AGPAT5: variants seen among roughly 807,000 people sequenced by gnomAD.
AGPAT5 encodes the protein 1-acylglycerol-3-phosphate O-acyltransferase 5.
AGPAT5 carries 46 observed loss-of-function variants against 45.6 expected under a neutral mutation model. That is an observed-to-expected ratio of 1.01 (90% CI 0.80 to 1.29). The LOEUF is 1.29. AGPAT5 is among the 50% of genes most tolerant of loss of function. The pLI, the probability that AGPAT5 is intolerant of heterozygous loss-of-function variation, is 0.00. For missense variants in AGPAT5, 673 were observed against 450.7 expected, an observed-to-expected ratio of 1.49 and a Z score of -4.47; for synonymous variants, 272 against 167.0, an observed-to-expected ratio of 1.63 and a Z score of -4.85.
rs1801874008 is a variant in AGPAT5 at position 6,757,198 on chromosome 8, A to G, written c.905A>G (p.Glu302Gly). The change falls in exon 8 of 8, where the codon GAA becomes GGA. Residue 302 changes from glutamate (E) to glycine (G), a missense_variant. Transcript: ENST00000285518. ...GAATTTTATGAGTCACCAGATCCAG[A>G]AAGAAGAAAAAGATTTCCTGGGAAA... The part of the protein sequence containing the change: ...LIEFYESPDP[E>G]RRKRFPGKSV... The G allele has an allele frequency of 6.2e-7, 1 of 1,613,968 alleles. No homozygotes were observed. Among genetic ancestry groups the G allele is most frequent in the Non-Finnish European group, 8.5e-7 (1 of 1,180,024 alleles).
chr8:6,709,843 G>A (rs1240234820), intron 1 of AGPAT5, among the ~76,000 whole-genome samples: 2 of 152,158 alleles, frequency 1.3e-5, no homozygotes, highest in Admixed American at 1.3e-4. Flanking sequence ...TGGGGGGAAG[G>A]AACTAGGAGA....
intron 3 of AGPAT5, among the ~76,000 whole-genome samples, chr8:6,731,161 C>T (rs1041107182): frequency 2.0e-5 from 3 of 152,112 alleles, no homozygotes; most frequent in Non-Finnish European, 2.9e-5. Context: ...ATACCCAACC[C>T]TATAAAAATG....
intron 4 of AGPAT5, among the ~76,000 whole-genome samples, 185 bp from the exon 5 acceptor site, chr8:6,741,476 T>A (rs749355318): frequency 2.4e-4 from 36 of 152,174 alleles, no homozygotes; most frequent in Admixed American, 4.6e-4. Flanking sequence ...GTTCACGTTA[T>A]GTTCATATTT....
chr8:6,724,022 T>C (rs557043213), intron 1 of AGPAT5, among the ~76,000 whole-genome samples: 3 of 152,194 alleles, frequency 2.0e-5, no homozygotes, highest in Non-Finnish European at 4.4e-5. Flanking sequence ...TCCTTTTAAG[T>C]CTTTACAAGT....
chr8:6,746,742 C>G (rs1021864431), intron 5 of AGPAT5, among the ~76,000 whole-genome samples: 9 of 152,176 alleles, frequency 5.9e-5, no homozygotes, highest in African/African-American at 2.2e-4. Flanking sequence ...AGCTGTTCTT[C>G]CTTACTCAGC....
chr8:6,760,826 A>G lies in AGPAT5; in HGVS notation c.*3438A>G, dbSNP rs1160557275. ...GTAACATGCAATCATTAGAATCAAA[A>G]TTAGTACTTTGGTCAAAATATTTAC... On this transcript the variant is annotated 3_prime_UTR_variant, in exon 8 of 8. Coordinates refer to ENST00000285518, the MANE Select transcript of AGPAT5 (RefSeq NM_018361.5). Among the ~76,000 whole-genome samples the G allele has an allele frequency of 2.0e-5, 3 of 152,230 alleles. No homozygotes were observed. The highest frequency in any genetic ancestry group is 4.4e-5 in the Non-Finnish European group (3 of 68,036).
At chr8:6,712,608 A>C (rs1800190614) in intron 1 of AGPAT5, among the ~76,000 whole-genome samples, 1 of 152,196 alleles carries the variant, frequency 6.6e-6, no homozygotes, top group African/African-American at 2.4e-5. Flanking sequence ...ATGGGAAATT[A>C]AAAGGAAAGT....
chr8:6,742,491 A>G (rs1247824453), intron 5 of AGPAT5, among the ~76,000 whole-genome samples: 1 of 152,142 alleles, frequency 6.6e-6, no homozygotes, highest in Non-Finnish European at 1.5e-5. Context: ...CCATATGTTG[A>G]TAGTCACTCA....
At chr8:6,717,444 A>G (rs1800368012) in intron 1 of AGPAT5, among the ~76,000 whole-genome samples, 1 of 152,242 alleles carries the variant, frequency 6.6e-6, no homozygotes, top group Non-Finnish European at 1.5e-5. Context: ...CTAACCACCT[A>G]CTGTTAAAAG....
chr8:6,722,716 G>C (rs1587010685), intron 1 of AGPAT5, among the ~76,000 whole-genome samples: 1 of 152,216 alleles, frequency 6.6e-6, no homozygotes, highest in East Asian at 1.9e-4. Context: ...GTGTGTGCAA[G>C]ATAAATAAGT....
intron 4 of AGPAT5, among the ~76,000 whole-genome samples, chr8:6,739,777 T>C (rs1264433086): frequency 6.6e-6 from 1 of 152,104 alleles, no homozygotes; most frequent in East Asian, 1.9e-4. Flanking sequence ...TGGCTAGACC[T>C]CCTAGTACAG....
chr8:6,742,822 G>A (rs1801283196), intron 5 of AGPAT5, among the ~76,000 whole-genome samples: 1 of 152,118 alleles, frequency 6.6e-6, no homozygotes, highest in Admixed American at 6.5e-5. Context: ...TATTAAGTAA[G>A]GAGTGTTTCA....
At chr8:6,718,831 G>C (rs1241773946) in intron 1 of AGPAT5, among the ~76,000 whole-genome samples, 1 of 152,148 alleles carries the variant, frequency 6.6e-6, no homozygotes, top group South Asian at 2.1e-4. Flanking sequence ...TTTTGAAAAA[G>C]AAATTGTAAA....
intron 1 of AGPAT5, among the ~76,000 whole-genome samples, chr8:6,721,424 C>G (rs1800493035): frequency 6.6e-6 from 1 of 152,084 alleles, no homozygotes; most frequent in Non-Finnish European, 1.5e-5. Context: ...ATAAAAAGTT[C>G]CATTTCATGG....
chr8:6,758,145 A>G lies in AGPAT5; in HGVS notation c.*757A>G, dbSNP rs899619236. On this transcript the variant is annotated 3_prime_UTR_variant, in exon 8 of 8. Coordinates refer to ENST00000285518, the MANE Select transcript of AGPAT5 (RefSeq NM_018361.5). Reference sequence around the variant, plus strand: ...GCTTTTTGAAGATTTAAGCTACACTATTAGTACTTCCCTTTGTCTGTGCCA... The same window carrying G: ...GCTTTTTGAAGATTTAAGCTACACTGTTAGTACTTCCCTTTGTCTGTGCCA... 2.0e-5 allele frequency: 3 copies of G among 152,378 alleles called. No homozygotes were observed. Among genetic ancestry groups the G allele is most frequent in the Non-Finnish European group, 4.4e-5 (3 of 68,042 alleles). The allele number at this position is 152,378 out of a possible 1,614,324, so 9.4% of individuals were successfully genotyped here. A position where few individuals can be genotyped will look rare whatever the true frequency, so the allele number is the denominator to read the frequency against.
chr8:6,714,773 C>G (rs148426448), intron 1 of AGPAT5, among the ~76,000 whole-genome samples: 1 of 152,092 alleles, frequency 6.6e-6, no homozygotes, highest in Non-Finnish European at 1.5e-5. Flanking sequence ...TACAGTAGCA[C>G]GAAATATACC....
intron 6 of AGPAT5, 105 bp from the exon 7 acceptor site, chr8:6,754,946 C>T: frequency 1.1e-6 from 1 of 934,750 alleles, no homozygotes. Context: ...ACTTTTTCTT[C>T]ATTTTACAAC....
Position 6,708,645 on chromosome 8 carries a change from G to A in AGPAT5, c.-24G>A, listed in dbSNP as rs1319260717. 1 of 1,502,638 alleles carries A rather than the reference G, an allele frequency of 6.7e-7. No individual in the cohort carries two copies. The highest frequency in any genetic ancestry group is 1.2e-5 in the South Asian group (1 of 81,580). The allele number at this position is 1,502,638 out of a possible 1,614,324, so 93.1% of individuals were successfully genotyped here. A position where few individuals can be genotyped will look rare whatever the true frequency, so the allele number is the denominator to read the frequency against. ...GAGGCGGGCGGGGAGCGCAGGCGGAGCTCGCTGCCGCCGAGCTGAGAAGAT... is the reference window on the plus strand; with the variant it reads ...GAGGCGGGCGGGGAGCGCAGGCGGAACTCGCTGCCGCCGAGCTGAGAAGAT... On this transcript the variant is annotated 5_prime_UTR_variant, in exon 1 of 8. Coordinates refer to ENST00000285518, the MANE Select transcript of AGPAT5 (RefSeq NM_018361.5).
intron 1 of AGPAT5, among the ~76,000 whole-genome samples, chr8:6,718,418 T>C (rs1334335501): frequency 1.3e-5 from 2 of 152,230 alleles, no homozygotes; most frequent in Non-Finnish European, 1.5e-5. Flanking sequence ...TCCAATTTCC[T>C]GCTGGCAGAA....
Sources: gnomAD v4.1 joint callset for allele counts (sites outside exome capture counted in the v4.1 genomes callset) on GRCh38, gnomAD v4.1.1 for gene constraint, MANE v1.5 for transcripts, NCBI Gene and HGNC (gene_info 2026-07-23, HGNC 2026-07-21) for gene names.